ARL14EPL: variants seen among roughly 807,000 people sequenced by gnomAD.
ARL14EPL encodes ARL14 effector protein-like.
A neutral mutation model predicts 15.9 loss-of-function variants in ARL14EPL; 17 were observed. The observed-to-expected ratio is 1.07, with a 90% CI of 0.73 to 1.60. ARL14EPL has a LOEUF of 1.60. Ranked by LOEUF, ARL14EPL falls within the 40% of genes most tolerant of loss-of-function variation. The pLI is 0.00. For missense variants in ARL14EPL, 214 were observed against 185.9 expected, an observed-to-expected ratio of 1.15 and a Z score of -0.88; for synonymous variants, 78 against 63.8, an observed-to-expected ratio of 1.22 and a Z score of -1.06.
chr5:116,040,408 G>C (rs1258032018), intron 1 of ARL14EPL, among the ~76,000 whole-genome samples: 1 of 151,346 alleles, frequency 6.6e-6, no homozygotes, highest in Non-Finnish European at 1.5e-5. Flanking sequence ...GTATATAACA[G>C]GAGTGAAGGG....
chr5:116,057,019 A>G (rs934684338), intron 3 of ARL14EPL, among the ~76,000 whole-genome samples: 2 of 152,236 alleles, frequency 1.3e-5, no homozygotes, highest in African/African-American at 4.8e-5. Context: ...CAATGCAAAT[A>G]TCCTCAATAA....
At chr5:116,034,158 T>A (rs147092334) in intron 1 of ARL14EPL, among the ~76,000 whole-genome samples, 5 of 152,322 alleles carry the variant, frequency 3.3e-5, no homozygotes, top group African/African-American at 1.2e-4. Context: ...CTCTGTGAAA[T>A]GATCACCTTG....
chr5:116,059,014 G>A lies in ARL14EPL; in HGVS notation c.*67G>A, dbSNP rs878910868. ...ATTTAAGTTGACCTCTTTCTTTTGG[G>A]TGAATTTTAGGGCTTGGGGGAAATA... is the stretch of plus-strand genomic sequence containing the variant. On this transcript the variant is annotated 3_prime_UTR_variant, in exon 4 of 4. Transcript: ENST00000686077. 4.3e-5 allele frequency: 61 copies of A among 1,434,182 alleles called. 1 individual carries two copies. The South Asian group carries it at 7.2e-4, about 17-fold the overall frequency. 88.8% of individuals were successfully genotyped at this position (1,434,182 alleles called of 1,614,324 possible).
At chr5:116,045,619 A>G (rs375698386) in intron 1 of ARL14EPL, among the ~76,000 whole-genome samples, 2 of 152,218 alleles carry the variant, frequency 1.3e-5, no homozygotes, top group Non-Finnish European at 2.9e-5. Context: ...CATTCGTGGC[A>G]TTAGCAATAG....
chr5:116,043,501 A>G (rs913989438), intron 1 of ARL14EPL, among the ~76,000 whole-genome samples: 2 of 152,148 alleles, frequency 1.3e-5, no homozygotes, highest in African/African-American at 2.4e-5. Flanking sequence ...CCTTTGAAAA[A>G]TACTCTTCAG....
chr5:116,045,697 T>A (rs1222226843), intron 1 of ARL14EPL, among the ~76,000 whole-genome samples: 1 of 152,074 alleles, frequency 6.6e-6, no homozygotes, highest in Non-Finnish European at 1.5e-5. Flanking sequence ...TCAAATTATT[T>A]TAAATATACT....
intron 2 of ARL14EPL, among the ~76,000 whole-genome samples, chr5:116,053,525 C>A (rs1749445107): frequency 6.6e-6 from 1 of 152,142 alleles, no homozygotes; most frequent in Admixed American, 6.5e-5. Flanking sequence ...CGCGTGGAGG[C>A]CAGTCCCGGG....
At position 116,032,703 on chromosome 5, in the gene ARL14EPL, T is replaced by C. The variant is rs117220917; in HGVS notation, c.-10+198T>C. Among the ~76,000 whole-genome samples, 413 of 152,330 alleles carry C rather than the reference T, an allele frequency of 2.7e-3. 7 individuals carry two copies. In the East Asian group the frequency reaches 0.046, roughly 17 times the overall value. On this transcript the variant is annotated intron_variant, in intron 1 of 3. Transcript: ENST00000686077. ...CCGTAGTGTATATAGAGTAGGATAC[T>C]ATCCATGGTTTCAGGCATCCACTGG...
chr5:116,038,774 C>T (rs900230155), intron 1 of ARL14EPL, among the ~76,000 whole-genome samples: 1 of 151,542 alleles, frequency 6.6e-6, no homozygotes, highest in Non-Finnish European at 1.5e-5. Context: ...CTGAAAAGCA[C>T]GTTCTATGAC....
chr5:116,035,508 A>G (rs1580409381), intron 1 of ARL14EPL, among the ~76,000 whole-genome samples: 1 of 152,242 alleles, frequency 6.6e-6, no homozygotes, highest in Admixed American at 6.5e-5. Context: ...CGAACTGATT[A>G]CAAGGAATGG....
chr5:116,057,421 C>CAAAA lies in ARL14EPL; in HGVS notation c.237-1297_237-1294dup, dbSNP rs10660667. Among the ~76,000 whole-genome samples the CAAAA allele has an allele frequency of 1.2e-3, 174 of 145,860 alleles. 1 individual carries two copies. The highest frequency in any genetic ancestry group is 3.3e-3 in the South Asian group (15 of 4,614). On this transcript the variant is annotated intron_variant, in intron 3 of 3. Transcript: ENST00000686077. Reference sequence around the variant, plus strand: ...TGATGTGTATAATTCAGGATTTTACCAAAAAAAAAAGCATCAAATGGGCCG... The same window carrying CAAAA: ...TGATGTGTATAATTCAGGATTTTACCAAAAAAAAAAAAAAGCATCAAATGGGCCG...
In ARL14EPL at chr5:116,054,007, T is replaced by G. The variant is rs1464100379; in HGVS notation, c.97-7T>G. On this transcript the variant is annotated splice_polypyrimidine_tract_variant and splice_region_variant and intron_variant, in intron 2 of 3. Coordinates refer to ENST00000686077, the MANE Select transcript of ARL14EPL (RefSeq NM_001195581.2). ...TCTTACTATTAATACATTTATTTGT[T>G]TAATAGCAACAAATAGAGCGGCAGT... 6.5e-7 allele frequency: 1 copy of G among 1,528,442 alleles called. No homozygotes were observed. Among genetic ancestry groups the G allele is most frequent in the Non-Finnish European group, 8.7e-7 (1 of 1,144,218 alleles). 94.7% of individuals were successfully genotyped at this position (1,528,442 alleles called of 1,614,324 possible). A position where few individuals can be genotyped will look rare whatever the true frequency, so the allele number is the denominator to read the frequency against.
chr5:116,045,599 C>T (rs1002538846), intron 1 of ARL14EPL, among the ~76,000 whole-genome samples: 8 of 152,234 alleles, frequency 5.3e-5, no homozygotes, highest in Non-Finnish European at 1.0e-4. Flanking sequence ...AAAGTGATGC[C>T]AGATGGTAGC....
intron 1 of ARL14EPL, among the ~76,000 whole-genome samples, chr5:116,038,782 G>A (rs1749094798): frequency 6.6e-6 from 1 of 152,066 alleles, no homozygotes; most frequent in African/African-American, 2.4e-5. Flanking sequence ...CACGTTCTAT[G>A]ACTAACTACT....
intron 1 of ARL14EPL, among the ~76,000 whole-genome samples, chr5:116,040,946 C>CTCCA (rs1561576937): frequency 8.5e-6 from 1 of 117,644 alleles, no homozygotes; most frequent in African/African-American, 3.4e-5. Flanking sequence ...CGCCACTGCA[C>CTCCA]TCCAGCCTGG....
chr5:116,035,502 C>T (rs1250173948), intron 1 of ARL14EPL, among the ~76,000 whole-genome samples: 2 of 152,152 alleles, frequency 1.3e-5, no homozygotes, highest in Non-Finnish European at 2.9e-5. Context: ...TGACTGCGAA[C>T]TGATTACAAG....
intron 1 of ARL14EPL, among the ~76,000 whole-genome samples, chr5:116,041,113 A>C (rs538909507): frequency 1.3e-5 from 2 of 152,214 alleles, no homozygotes; most frequent in South Asian, 4.1e-4. Context: ...ATCCCCCAAC[A>C]GTTTCCCTGA....
chr5:116,055,496 C>T (rs1223967171), intron 3 of ARL14EPL, among the ~76,000 whole-genome samples: 2 of 152,044 alleles, frequency 1.3e-5, no homozygotes, highest in Non-Finnish European at 2.9e-5. Flanking sequence ...ATTTGAACAG[C>T]TACATGTACC....
At chr5:116,043,482 GT>G (rs928191312) in intron 1 of ARL14EPL, among the ~76,000 whole-genome samples, 10 of 151,890 alleles carry the variant, frequency 6.6e-5, no homozygotes, top group African/African-American at 1.7e-4. Flanking sequence ...ATTTAATGAG[GT>G]ATTATTACCT....
Sources: gnomAD v4.1 joint callset for allele counts (sites outside exome capture counted in the v4.1 genomes callset) on GRCh38, gnomAD v4.1.1 for gene constraint, MANE v1.5 for transcripts, NCBI Gene and HGNC (gene_info 2026-07-23, HGNC 2026-07-21) for gene names.